SKI: variants seen among roughly 807,000 people sequenced by gnomAD.
The protein encoded by SKI is ski oncogene.
In SKI, 23 loss-of-function variants were observed where a neutral mutation model predicts 59.3. That is an observed-to-expected ratio of 0.39 (90% CI 0.28 to 0.55). The LOEUF (loss-of-function observed/expected upper bound fraction) is 0.55. Among genes scored for constraint, SKI ranks in the 20% least tolerant of loss-of-function variants. The pLI is 0.67. For synonymous variants in SKI, 673 were observed against 488.6 expected, an observed-to-expected ratio of 1.38 and a Z score of -4.98; for missense variants, 1,017 against 1,038.9, an observed-to-expected ratio of 0.98 and a Z score of 0.29.
intron 1 of SKI, among the ~76,000 whole-genome samples, chr1:2,257,205 T>C (rs1639292525): frequency 6.6e-6 from 1 of 152,264 alleles, no homozygotes; most frequent in African/African-American, 2.4e-5. Context: ...ATTAATGATG[T>C]TTTTCTTGAC....
intron 5 of SKI, among the ~76,000 whole-genome samples, chr1:2,305,148 C>CA (rs1640536462): frequency 6.6e-6 from 1 of 152,240 alleles, no homozygotes; most frequent in Non-Finnish European, 1.5e-5. Context: ...CACACACACC[C>CA]ACCTGCACAC....
Position 2,228,903 on chromosome 1 carries a change from C to T in SKI, c.137C>T (p.Ala46Val), listed in dbSNP as rs1210974703. Residue 46 changes from alanine (A) to valine (V), a missense_variant, in exon 1 of 7, where the codon GCC becomes GTC. By Grantham distance (64) the Ala-to-Val change is moderately conservative. Coordinates refer to ENST00000378536, the MANE Select transcript of SKI (RefSeq NM_003036.4). Reference sequence around the variant, plus strand: ...TTCTCGGCGCGCTGGGCGCAGGAGGCCTACAAGAAGGAGAGCGCCAAGGAG... The same window carrying T: ...TTCTCGGCGCGCTGGGCGCAGGAGGTCTACAAGAAGGAGAGCGCCAAGGAG... ...AAFSARWAQE[A>V]YKKESAKEAG... 13 of 1,417,506 alleles carry T rather than the reference C, an allele frequency of 9.2e-6. No individual in the cohort carries two copies. The highest frequency in any genetic ancestry group is 3.3e-5 in the East Asian group (1 of 30,660). The allele number at this position is 1,417,506 out of a possible 1,614,324, so 87.8% of individuals were successfully genotyped here.
chr1:2,300,369 G>T (rs955992444), intron 1 of SKI, among the ~76,000 whole-genome samples: 9 of 151,752 alleles, frequency 5.9e-5, no homozygotes, highest in Non-Finnish European at 1.2e-4. Context: ...TGGCCTGTGG[G>T]CTCCAAGGGC....
intron 1 of SKI, among the ~76,000 whole-genome samples, chr1:2,282,160 ACGCCCGAGAAGACAGGCGG>A (rs1488333577): frequency 2.0e-4 from 6 of 30,584 alleles, no homozygotes; most frequent in African/African-American, 8.2e-4. Flanking sequence ...CAGAGAGAGG[ACGCCCGAGAAGACAGGCGG>A]TGGCGGAGAT....
rs1012190798 is a variant in SKI, at chr1:2,269,571, G to C, written c.970-33407G>C. On this transcript the variant is annotated intron_variant, in intron 1 of 6. Transcript: ENST00000378536. The surrounding 1 kb of genome is among the most constrained non-coding windows in gnomAD (Gnocchi z 4.7). ...GCCTGGTTATCAGGTGTGGTGAGGA[G>C]CTTTGCTGCCCTGGAGCGTCGCTTT... Among the ~76,000 whole-genome samples the C allele has an allele frequency of 2.6e-5, 4 of 152,256 alleles. No homozygotes were observed. Among genetic ancestry groups the C allele is most frequent in the African/African-American group, 9.6e-5 (4 of 41,476 alleles).
chr1:2,256,699 C>T (rs570477219), intron 1 of SKI, among the ~76,000 whole-genome samples: 3 of 152,356 alleles, frequency 2.0e-5, no homozygotes, highest in South Asian at 2.1e-4. Context: ...CGCTCCTCAG[C>T]GTCTTGCCTC....
rs201251918 is a variant in SKI, at chr1:2,229,605, A to G, written c.839A>G (p.Asn280Ser). ...RTCHWGFDSA[N>S]WRAYILLSQD... ...TGCCACTGGGGCTTCGACTCGGCCAACTGGCGGGCCTACATCCTGCTGAGC... is the reference window on the plus strand; with the variant it reads ...TGCCACTGGGGCTTCGACTCGGCCAGCTGGCGGGCCTACATCCTGCTGAGC... The change falls in exon 1 of 7, where the codon AAC becomes AGC. Residue 280 changes from asparagine to serine, a missense_variant. By Grantham distance (46) the Asn-to-Ser change is conservative (BLOSUM62 1). Coordinates refer to ENST00000378536, the MANE Select transcript of SKI (RefSeq NM_003036.4). The surrounding 1 kb of genome is among the most constrained non-coding windows in gnomAD (Gnocchi z 6.3). The G allele has an allele frequency of 1.2e-6, 2 of 1,612,622 alleles. No homozygotes were observed. The highest frequency in any genetic ancestry group is 1.7e-6 in the Non-Finnish European group (2 of 1,179,972).
At position 2,306,757 on chromosome 1, in the gene SKI, G is replaced by A; in HGVS notation, c.2179G>A (p.Glu727Lys). Residue 727 changes from glutamate to lysine, a missense_variant, in exon 7 of 7, where the codon GAG (glutamate) becomes AAG (lysine). Glu to Lys is a moderately conservative substitution (Grantham distance 56, BLOSUM62 1). Transcript: ENST00000378536. ...AAGSEGAAEL[E>K]P ...GGGCAGCGAGGGCGCTGCGGAGCTG[G>A]AGCCGTAGATTCCGTGCCTGCCGCC... is the stretch of plus-strand genomic sequence containing the variant. The A allele has an allele frequency of 2.6e-6, 4 of 1,519,136 alleles. No individual in the cohort carries two copies. The highest frequency in any genetic ancestry group is 3.5e-6 in the Non-Finnish European group (4 of 1,136,968). The allele number at this position is 1,519,136 out of a possible 1,614,324, so 94.1% of individuals were successfully genotyped here. A position where few individuals can be genotyped will look rare whatever the true frequency, so the allele number is the denominator to read the frequency against.
chr1:2,241,501 T>C (rs1638872025), intron 1 of SKI, among the ~76,000 whole-genome samples: 1 of 152,166 alleles, frequency 6.6e-6, no homozygotes, highest in Non-Finnish European at 1.5e-5. Context: ...CACGCCATTC[T>C]CCTGCCTCAG....
rs1194761194 is a variant in SKI at position 2,268,609 on chromosome 1, C to CA, written c.970-34368dup. ...AGGTGAATTTTCTTGGCTGGCTTGA[C>CA]AGGTCCCCCTTTCCCTCACCATGGA... On this transcript the variant is annotated intron_variant, in intron 1 of 6. Transcript: ENST00000378536. This position sits in a 1 kb window ranked among gnomAD's most constrained non-coding sequence, Gnocchi z 5.0. Among the ~76,000 whole-genome samples the CA allele has an allele frequency of 6.6e-6, 1 of 152,360 alleles. No individual in the cohort carries two copies. Among genetic ancestry groups the CA allele is most frequent in the East Asian group, 1.9e-4 (1 of 5,184 alleles).
In SKI at chr1:2,303,495, C is replaced by G. The variant is rs1477282581; in HGVS notation, c.1211+95C>G. The stretch of plus-strand genomic sequence containing the variant: ...CGCCCATGTTTCTGCAGGCTGGGTG[C>G]CCAGACCTGCCGCCTTTTGGTCAGG... On this transcript the variant is annotated intron_variant, in intron 3 of 6. Coordinates refer to ENST00000378536, the MANE Select transcript of SKI (RefSeq NM_003036.4). This position sits in a 1 kb window ranked among gnomAD's most constrained non-coding sequence, Gnocchi z 5.6. The G allele has an allele frequency of 2.7e-6, 3 of 1,114,208 alleles. No individual in the cohort carries two copies. The South Asian group carries it at 4.0e-5, about 15-fold the overall frequency. 69.0% of individuals were successfully genotyped at this position (1,114,208 alleles called of 1,614,324 possible).
At chr1:2,290,359 C>T (rs547578653) in intron 1 of SKI, among the ~76,000 whole-genome samples, 9 of 152,290 alleles carry the variant, frequency 5.9e-5, no homozygotes, top group African/African-American at 1.9e-4. Flanking sequence ...GGTAGGCCAG[C>T]CTTCTGTGCG....
intron 1 of SKI, among the ~76,000 whole-genome samples, chr1:2,301,167 C>T (rs964541692): frequency 4.6e-5 from 7 of 152,172 alleles, no homozygotes; most frequent in South Asian, 2.1e-4. Flanking sequence ...CGGGAGGGTC[C>T]GCATGATTCC....
chr1:2,299,498 G>T (rs536591524), intron 1 of SKI, among the ~76,000 whole-genome samples: 4 of 152,202 alleles, frequency 2.6e-5, no homozygotes, highest in African/African-American at 7.2e-5. Flanking sequence ...TCTGGATTCA[G>T]TGCCCTCCGC....
intron 1 of SKI, among the ~76,000 whole-genome samples, chr1:2,295,021 C>T (rs1640251277): frequency 6.6e-6 from 1 of 152,248 alleles, no homozygotes; most frequent in African/African-American, 2.4e-5. Flanking sequence ...TGTCAGGCCC[C>T]TGGCTCAGAT....
At chr1:2,245,519 C>G (rs1242576233) in intron 1 of SKI, among the ~76,000 whole-genome samples, 1 of 152,212 alleles carries the variant, frequency 6.6e-6, no homozygotes, top group Non-Finnish European at 1.5e-5. Context: ...GTTGCCCAGG[C>G]TGGAGTGCAG....
At chr1:2,285,419 G>A (rs1030452159) in intron 1 of SKI, among the ~76,000 whole-genome samples, 13 of 151,928 alleles carry the variant, frequency 8.6e-5, no homozygotes, top group Non-Finnish European at 1.6e-4. Flanking sequence ...GGAGGCTGAG[G>A]CAGGAGAATT....
chr1:2,278,113 C>A (rs568028482), intron 1 of SKI, among the ~76,000 whole-genome samples: 150 of 152,208 alleles, frequency 9.9e-4, no homozygotes, highest in Non-Finnish European at 1.9e-3. Context: ...TGGGGTGGGG[C>A]CACAGTATGG....
intron 1 of SKI, among the ~76,000 whole-genome samples, chr1:2,239,810 C>T (rs1638827187): frequency 6.6e-6 from 1 of 152,196 alleles, no homozygotes; most frequent in Non-Finnish European, 1.5e-5. Context: ...CTCATCCTGC[C>T]CTCCGGGGCG....
Sources: allele counts gnomAD v4.1 joint callset (sites outside exome capture counted in the v4.1 genomes callset), GRCh38; gene constraint gnomAD v4.1.1; non-coding constraint Gnocchi (gnomAD v3.1); transcripts MANE v1.5; gene names NCBI Gene and HGNC (gene_info 2026-07-23, HGNC 2026-07-21).